MYOM1: variants seen among roughly 807,000 people sequenced by gnomAD.
MYOM1 encodes the protein myomesin-1.
MYOM1 carries 164 observed loss-of-function variants against 205.3 expected under a neutral mutation model. The ratio of observed to expected loss-of-function variants is 0.80; its 90% CI spans 0.70 to 0.91. The LOEUF is 0.91. Ranked by LOEUF, MYOM1 falls within the 40% of genes least tolerant of loss-of-function variation. The probability of loss-of-function intolerance (pLI) is 0.00; values close to 1 mark genes in which losing one functional copy is unlikely to be tolerated. For synonymous variants in MYOM1, 772 were observed against 789.4 expected (o/e 0.98, Z 0.37); for missense variants, 2,011 against 2,127.3 (o/e 0.95, Z 1.08).
intron 8 of MYOM1, among the ~76,000 whole-genome samples, chr18:3,171,974 T>C (rs1304024635): frequency 6.6e-6 from 1 of 152,210 alleles, no homozygotes; most frequent in Non-Finnish European, 1.5e-5. Flanking sequence ...TACACATCCC[T>C]ATTCTACCAC....
At chr18:3,217,601 G>A (rs2081285335) in intron 1 of MYOM1, among the ~76,000 whole-genome samples, 1 of 152,146 alleles carries the variant, frequency 6.6e-6, no homozygotes, top group Admixed American at 6.6e-5. Flanking sequence ...ACAGCATATA[G>A]GTGGTATCGA....
chr18:3,157,749 G>A (rs1374556938), intron 10 of MYOM1, among the ~76,000 whole-genome samples: 1 of 149,934 alleles, frequency 6.7e-6, no homozygotes, highest in Admixed American at 6.7e-5. Flanking sequence ...AAGAAGCTAC[G>A]ATATAGTGTG....
At chr18:3,121,070 C>T (rs2079683499) in intron 19 of MYOM1, among the ~76,000 whole-genome samples, 1 of 151,830 alleles carries the variant, frequency 6.6e-6, no homozygotes, top group Admixed American at 6.6e-5. Context: ...AGAAATTACA[C>T]AGAACATGAT....
rs761148558 is a variant in MYOM1, at chr18:3,214,943, G to T, written c.281C>A (p.Ser94Tyr). Reference protein sequence around the residue: ...RKAASAYDYGSSHGLTDSSLL... With the variant: ...RKAASAYDYGYSHGLTDSSLL... ...AGGGCGTCCGACATACCCATGGGAG[G>T]AGCCATAATCGTAGGCTGAGGCTGC... Residue 94 changes from serine (S) to tyrosine (Y), a missense_variant, in exon 2 of 38, where the codon TCC (serine) becomes TAC (tyrosine). Coordinates refer to ENST00000356443, the MANE Select transcript of MYOM1 (RefSeq NM_003803.4). 1 of 1,597,330 alleles carries T rather than the reference G, an allele frequency of 6.3e-7. No individual in the cohort carries two copies. The highest frequency in any genetic ancestry group is 1.3e-5 in the African/African-American group (1 of 74,704).
At chr18:3,192,997 G>A (rs753939355) in intron 3 of MYOM1, among the ~76,000 whole-genome samples, 5 of 152,088 alleles carry the variant, frequency 3.3e-5, no homozygotes, top group Non-Finnish European at 7.4e-5. Flanking sequence ...GGCCAGGTGT[G>A]GTGGCTCATG....
chr18:3,105,190 G>C (rs2079436884), intron 22 of MYOM1, among the ~76,000 whole-genome samples: 1 of 152,148 alleles, frequency 6.6e-6, no homozygotes, highest in African/African-American at 2.4e-5. Flanking sequence ...CAGCAAGAAA[G>C]GAGGGAGAAA....
chr18:3,107,186 C>T (rs1274378799), intron 22 of MYOM1, among the ~76,000 whole-genome samples: 1 of 152,124 alleles, frequency 6.6e-6, no homozygotes, highest in African/African-American at 2.4e-5. Context: ...GGCACGATCT[C>T]GGCTCACTGC....
chr18:3,086,210 G>C (rs2079152143), intron 29 of MYOM1, 59 bp from the exon 30 acceptor site: 30 of 1,047,566 alleles, frequency 2.9e-5, no homozygotes, highest in Non-Finnish European at 3.9e-5. Flanking sequence ...TTGTGAAGTT[G>C]AATAGTTCTT....
chr18:3,174,078 AAC>A (rs35188311), intron 7 of MYOM1, 40 bp downstream of exon 7: 11 of 1,601,680 alleles, frequency 6.9e-6, no homozygotes, highest in Non-Finnish European at 8.5e-6. Context: ...AATTTTTAAA[AAC>A]ACACACACAC....
Position 3,089,862 on chromosome 18 carries a change from C to T in MYOM1, c.4010-266G>A, listed in dbSNP as rs141872992. Among the ~76,000 whole-genome samples, 252 of 152,310 alleles carry T rather than the reference C, an allele frequency of 1.7e-3. 1 individual carries two copies. The Middle Eastern group carries it at 0.02, about 12-fold the overall frequency. On this transcript the variant is annotated intron_variant, in intron 27 of 37. Coordinates refer to ENST00000356443, the MANE Select transcript of MYOM1 (RefSeq NM_003803.4). Reference sequence around the variant, plus strand: ...GGCCTTTCCATTGCCTTCGTAACTGCCACATTTTAAATCTGGGTGGTAGTA... The same window carrying T: ...GGCCTTTCCATTGCCTTCGTAACTGTCACATTTTAAATCTGGGTGGTAGTA...
intron 19 of MYOM1, among the ~76,000 whole-genome samples, chr18:3,123,385 T>C (rs903911855): frequency 9.2e-5 from 14 of 152,172 alleles, no homozygotes; most frequent in African/African-American, 3.1e-4. Flanking sequence ...AAAACTGATA[T>C]AAAAATATAC....
chr18:3,230,191 A>C, the MYOM1 span, among the ~76,000 whole-genome samples: 72 of 152,276 alleles, frequency 4.7e-4, no homozygotes, highest in African/African-American at 1.7e-3. Flanking sequence ...TGTGTGCTAG[A>C]TACTATACCA....
chr18:3,155,508 G>A (rs1057474699), intron 10 of MYOM1, among the ~76,000 whole-genome samples: 4 of 152,224 alleles, frequency 2.6e-5, no homozygotes, highest in Non-Finnish European at 4.4e-5. Flanking sequence ...ACAGGCGTGA[G>A]CCATCACACC....
intron 25 of MYOM1, among the ~76,000 whole-genome samples, chr18:3,094,903 T>C (rs559931179): frequency 6.6e-6 from 1 of 152,102 alleles, no homozygotes; most frequent in Non-Finnish European, 1.5e-5. Context: ...CCTCAAGTGA[T>C]CCTCCTTGGC....
chr18:3,075,742 A>G lies in MYOM1; in HGVS notation c.4668T>C (p.Ala1556=). 6.3e-7 allele frequency: 1 copy of G among 1,599,342 alleles called. No individual in the cohort carries two copies. Residue 1556 remains alanine, a synonymous_variant, in exon 35 of 38, where the codon GCT becomes GCC. Transcript: ENST00000356443. ...LSGQAYDEAY[A]EFQRLKQAAI... The stretch of plus-strand genomic sequence containing the variant: ...GGACTTACTTCAACCTCTGGAATTC[A>G]GCATAGGCCTCATCGTATGCTTTAA...
At chr18:3,121,778 C>A (rs76265426) in intron 19 of MYOM1, among the ~76,000 whole-genome samples, 1 of 152,030 alleles carries the variant, frequency 6.6e-6, no homozygotes, top group Non-Finnish European at 1.5e-5. Flanking sequence ...AAAAATTGAA[C>A]AACTTTTAAA....
intron 22 of MYOM1, among the ~76,000 whole-genome samples, chr18:3,108,950 C>T (rs2079487870): frequency 6.6e-6 from 1 of 151,694 alleles, no homozygotes; most frequent in Non-Finnish European, 1.5e-5. Flanking sequence ...AAAAGTCTAC[C>T]TATAACATCC....
At chr18:3,123,073 G>A (rs1458986761) in intron 19 of MYOM1, among the ~76,000 whole-genome samples, 2 of 152,090 alleles carry the variant, frequency 1.3e-5, no homozygotes, top group Admixed American at 1.3e-4. Flanking sequence ...GCAATCCACC[G>A]CCTCAGGCTC....
At position 3,189,627 on chromosome 18, in the gene MYOM1, T is replaced by C. The variant is rs2080877816; in HGVS notation, c.432-540A>G. On this transcript the variant is annotated intron_variant, in intron 3 of 37. Coordinates refer to ENST00000356443, the MANE Select transcript of MYOM1 (RefSeq NM_003803.4). This position sits in a 1 kb window ranked among gnomAD's most constrained non-coding sequence, Gnocchi z 4.8. ...CACCAGCCTTGGCCTCCCAAAGTGC[T>C]GGGATTACAGGCATGATCCACCGTG... is the stretch of plus-strand genomic sequence containing the variant. Among the ~76,000 whole-genome samples, 1 of 152,238 alleles carries C rather than the reference T, an allele frequency of 6.6e-6. No individual in the cohort carries two copies. The highest frequency in any genetic ancestry group is 1.5e-5 in the Non-Finnish European group (1 of 68,040).
Sources: allele counts gnomAD v4.1 joint callset (sites outside exome capture counted in the v4.1 genomes callset), GRCh38; gene constraint gnomAD v4.1.1; non-coding constraint Gnocchi (gnomAD v3.1); transcripts MANE v1.5; gene names NCBI Gene and HGNC (gene_info 2026-07-23, HGNC 2026-07-21).